Variants in TTN observed in about 807,000 individuals in gnomAD.
TTN encodes the protein titin, also known as connectin.
In TTN, 1,525 loss-of-function variants were observed where a neutral mutation model predicts 3,223.0. The ratio of observed to expected loss-of-function variants is 0.47; its 90% CI spans 0.45 to 0.49. The LOEUF (loss-of-function observed/expected upper bound fraction) is 0.49. TTN is among the 20% of genes least tolerant of loss of function. The probability of loss-of-function intolerance (pLI) is 0.00; values close to 1 mark genes in which losing one functional copy is unlikely to be tolerated. For missense variants in TTN, 40,786 were observed against 43,424.0 expected (o/e 0.94, Z 5.40); for synonymous variants, 14,094 against 15,161.0 (o/e 0.93, Z 5.17).
In TTN at chr2:178,620,194, G is replaced by C. The variant is rs759677019; in HGVS notation, c.46304+23C>G. 3.2e-6 allele frequency: 5 copies of C among 1,551,096 alleles called. No individual in the cohort carries two copies. The South Asian group carries it at 5.0e-5, about 16-fold the overall frequency. On this transcript the variant is annotated intron_variant, in intron 248 of 362. Transcript: ENST00000589042. ...AAGTGTATATATAGCTACAGAAATAGAGAATAAAAAGATCTTGCTTACTTT... is the reference window on the plus strand; with the variant it reads ...AAGTGTATATATAGCTACAGAAATACAGAATAAAAAGATCTTGCTTACTTT...
chr2:178,616,480 T>G lies in TTN; in HGVS notation c.48311A>C (p.Lys16104Thr), dbSNP rs1060500396. The change falls in exon 257 of 363, where the codon AAA (lysine) becomes ACA (threonine). Residue 16104 changes from lysine (K) to threonine (T), a missense_variant and splice_region_variant. By Grantham distance (78) the Lys-to-Thr change is moderately conservative. Coordinates refer to ENST00000589042, the MANE Select transcript of TTN (RefSeq NM_001267550.2). ...GATGCAGTGCTGCTCAAAACTCACTTTAGTCCATGTTTTCCGGCTGACTTC... is the reference window on the plus strand; with the variant it reads ...GATGCAGTGCTGCTCAAAACTCACTGTAGTCCATGTTTTCCGGCTGACTTC... Reference protein sequence around the residue: ...KREVSRKTWTKVMDFVTDLEF... With the variant: ...KREVSRKTWTTVMDFVTDLEF... 6.2e-7 allele frequency: 1 copy of G among 1,612,138 alleles called. No homozygotes were observed. The highest frequency in any genetic ancestry group is 1.1e-5 in the South Asian group (1 of 90,982).
intron 354 of TTN, chr2:178,538,121 T>C: frequency 1.7e-6 from 1 of 582,090 alleles, no homozygotes; most frequent in Non-Finnish European, 3.0e-6. Context: ...TCACATTTTA[T>C]GTAGAGTGTT....
In TTN at chr2:178,718,682, G is replaced by A. The variant is rs534803807; in HGVS notation, c.24505+13C>T. On this transcript the variant is annotated intron_variant, in intron 84 of 362. Transcript: ENST00000589042. ...AATTTTAAAAGATGTATATATTGGG[G>A]GAAAGAGCAAACCTTTCACAAAAAG... The A allele has an allele frequency of 1.0e-4, 169 of 1,611,674 alleles. No homozygotes were observed. The East Asian group carries it at 1.1e-3, about 10-fold the overall frequency.
chr2:178,544,268 G>A lies in TTN; in HGVS notation c.95961C>T (p.Ala31987=), dbSNP rs369405564. The change falls in exon 345 of 363, where the codon GCC becomes GCT. Residue 31987 remains alanine, a synonymous_variant. Coordinates refer to ENST00000589042, the MANE Select transcript of TTN (RefSeq NM_001267550.2). ...MGQKYSFRVA[A]VNVKGMSEYS... ...ATTCGCTCATACCCTTCACGTTCAC[G>A]GCAGCAACTCTGAAGGAATATTTCT... 3.6e-5 allele frequency: 58 copies of A among 1,613,742 alleles called. No individual in the cohort carries two copies. In the African/African-American group the frequency reaches 5.6e-4, roughly 16 times the overall value.
chr2:178,785,544 C>T, intron 15 of TTN, 76 bp downstream of exon 15: 4 of 1,604,284 alleles, frequency 2.5e-6, no homozygotes, highest in Non-Finnish European at 3.4e-6. Flanking sequence ...TTGGCCTACC[C>T]CAGAGATGCT....
chr2:178,619,197 AC>A, intron 250 of TTN: 1 of 361,066 alleles, frequency 2.8e-6, no homozygotes, highest in Non-Finnish European at 5.0e-6. Flanking sequence ...AATCAGAGAA[AC>A]TTTTTTCTTA....
intron 47 of TTN, chr2:178,747,525 G>T: frequency 6.2e-7 from 1 of 1,613,310 alleles, no homozygotes; most frequent in Non-Finnish European, 8.5e-7. Context: ...GGACGACCTA[G>T]TGATTCCTGT....
In TTN at chr2:178,717,079, T is replaced by C. The variant is rs768056407; in HGVS notation, c.25639+16A>G. On this transcript the variant is annotated intron_variant, in intron 88 of 362. Coordinates refer to ENST00000589042, the MANE Select transcript of TTN (RefSeq NM_001267550.2). ...AAAATGTAAAAGAGATCTTGCTCCT[T>C]CACTCTAACAAGTACCTTGTACACC... The C allele has an allele frequency of 1.9e-6, 3 of 1,592,252 alleles. No individual in the cohort carries two copies. Among genetic ancestry groups the C allele is most frequent in the Non-Finnish European group, 2.6e-6 (3 of 1,166,296 alleles).
At chr2:178,643,110 A>C (rs2061454831) in intron 218 of TTN, among the ~76,000 whole-genome samples, 1 of 151,988 alleles carries the variant, frequency 6.6e-6, no homozygotes, top group African/African-American at 2.4e-5. Context: ...CGTGGTGATT[A>C]TTAAACCATT....
intron 258 of TTN, 25 bp downstream of exon 258, chr2:178,615,616 A>G: frequency 6.2e-7 from 1 of 1,611,694 alleles, no homozygotes; most frequent in South Asian, 1.1e-5. Context: ...AAGATTAGGT[A>G]AGAAATCATC....
intron 267 of TTN, 22 bp from the exon 268 acceptor site, chr2:178,611,976 T>C (rs1414544935): frequency 1.9e-6 from 3 of 1,606,388 alleles, no homozygotes; most frequent in Non-Finnish European, 2.5e-6. Context: ...ACAAAGCATT[T>C]CATTAGCATT....
chr2:178,681,058 C>T (rs768735218), intron 138 of TTN, 21 bp downstream of exon 138: 17 of 1,570,024 alleles, frequency 1.1e-5, no homozygotes, highest in East Asian at 2.3e-5. Context: ...AGATCACAAT[C>T]GAGGAAGGAA....
Position 178,548,052 on chromosome 2 carries a change from C to T in TTN, c.93574G>A (p.Ala31192Thr), listed in dbSNP as rs779450650. 6.2e-7 allele frequency: 1 copy of T among 1,613,876 alleles called. No individual in the cohort carries two copies. Among genetic ancestry groups the T allele is most frequent in the Non-Finnish European group, 8.5e-7 (1 of 1,179,820 alleles). Reference sequence around the variant, plus strand: ...GCTTCTCTGGGTTCACTATAGCCAGCATCATTCTTGGCCTTCACACGGAAT... The same window carrying T: ...GCTTCTCTGGGTTCACTATAGCCAGTATCATTCTTGGCCTTCACACGGAAT... ...YEFRVKAKNDAGYSEPREAFS... is the reference protein window; with the variant it reads ...YEFRVKAKNDTGYSEPREAFS... Residue 31192 changes from alanine to threonine, a missense_variant, in exon 339 of 363, where the codon GCT (alanine) becomes ACT (threonine). Ala to Thr is a moderately conservative substitution (Grantham distance 58). Transcript: ENST00000589042. The surrounding 1 kb of genome is among the most constrained non-coding windows in gnomAD (Gnocchi z 4.3).
At position 178,579,346 on chromosome 2, in the gene TTN, C is replaced by G. The variant is rs747962210; in HGVS notation, c.67684G>C (p.Ala22562Pro). 1 of 1,601,412 alleles carries G rather than the reference C, an allele frequency of 6.2e-7. No individual in the cohort carries two copies. The highest frequency in any genetic ancestry group is 2.2e-5 in the East Asian group (1 of 44,614). Residue 22562 changes from alanine (A) to proline (P), a missense_variant, in exon 320 of 363, where the codon GCT becomes CCT. By Grantham distance (27) the Ala-to-Pro change is conservative. Transcript: ENST00000589042. ...LKGLPDLCYL[A>P]KENSNFRLKI... ...AGCCGGAAGTTGCTGTTTTCTTTAG[C>G]CAAGTAGCACAAATCAGGTAGACCC...
At chr2:178,694,563 A>G in intron 117 of TTN, 36 bp downstream of exon 117, 2 of 1,514,072 alleles carry the variant, frequency 1.3e-6, no homozygotes, top group Non-Finnish European at 1.8e-6. Flanking sequence ...AAATAAAAAA[A>G]TTTTGAACTT....
Position 178,574,796 on chromosome 2 carries a change from G to A in TTN, c.71336C>T (p.Thr23779Ile), listed in dbSNP as rs1709480973. The stretch of plus-strand genomic sequence containing the variant: ...TTTATAGGTAGTACGTATAACGGTG[G>A]TTGCTAACTCAACCCAGGTAGTACT... ...TDSTTWVELA[T>I]TVIRTTYKAT... The change falls in exon 326 of 363, where the codon ACC becomes ATC. Residue 23779 changes from threonine (T) to isoleucine (I), a missense_variant. By Grantham distance (89) the Thr-to-Ile change is moderately conservative. Transcript: ENST00000589042. 7 of 1,612,054 alleles carry A rather than the reference G, an allele frequency of 4.3e-6. No individual in the cohort carries two copies. The highest frequency in any genetic ancestry group is 5.9e-6 in the Non-Finnish European group (7 of 1,178,834).
At chr2:178,699,776 GAGTGC>G (rs1190700774) in intron 111 of TTN, among the ~76,000 whole-genome samples, 1 of 133,304 alleles carries the variant, frequency 7.5e-6, no homozygotes, top group African/African-American at 2.8e-5. Context: ...ACCCAGGCTG[GAGTGC>G]AGTGGCTCGA....
chr2:178,750,892 TCTTG>T, intron 47 of TTN: 1 of 1,612,976 alleles, frequency 6.2e-7, no homozygotes, highest in Non-Finnish European at 8.5e-7. Flanking sequence ...CCAGCTGTCC[TCTTG>T]CTTGGGTATT....
intron 6 of TTN, among the ~76,000 whole-genome samples, chr2:178,797,242 A>T (rs2093814664): frequency 1.3e-5 from 2 of 151,190 alleles, no homozygotes; most frequent in South Asian, 2.1e-4. Flanking sequence ...GAGACTGAAC[A>T]TTTTTTTTTA....
Sources: allele counts gnomAD v4.1 joint callset (sites outside exome capture counted in the v4.1 genomes callset), GRCh38; gene constraint gnomAD v4.1.1; non-coding constraint Gnocchi (gnomAD v3.1); transcripts MANE v1.5; gene names NCBI Gene and HGNC (gene_info 2026-07-23, HGNC 2026-07-21).